The following DRAXIN variants were observed in gnomAD, a reference collection of about 807,000 sequenced individuals.
DRAXIN encodes the protein dorsal repulsive axon guidance protein.
In DRAXIN, 27 loss-of-function variants were observed where a neutral mutation model predicts 33.9. The ratio of observed to expected loss-of-function variants is 0.80; its 90% CI spans 0.59 to 1.10. The LOEUF is 1.10. Among genes scored for constraint, DRAXIN ranks in the 50% least tolerant of loss-of-function variants. The pLI, the probability that DRAXIN is intolerant of heterozygous loss-of-function variation, is 0.00. For synonymous variants in DRAXIN, 178 were observed against 194.0 expected (o/e 0.92, Z 0.69); for missense variants, 371 against 460.8 (o/e 0.81, Z 1.78).
In DRAXIN at chr1:11,719,803, CAG is replaced by C; in HGVS notation, c.*109_*110del. The C allele has an allele frequency of 9.7e-7, 1 of 1,032,502 alleles. No individual in the cohort carries two copies. Among genetic ancestry groups the C allele is most frequent in the Middle Eastern group, 2.2e-4 (1 of 4,558 alleles). 64.0% of individuals were successfully genotyped at this position (1,032,502 alleles called of 1,614,324 possible). The stretch of plus-strand genomic sequence containing the variant: ...GTTGGGGAACAGATGGCTGAGGCTG[CAG>C]ACTCAGGCCCAGGACACTCAACCCC... On this transcript the variant is annotated 3_prime_UTR_variant, in exon 7 of 7. Transcript: ENST00000294485.
At position 11,694,917 on chromosome 1, in the gene DRAXIN, G is replaced by C. The variant is rs147481439; in HGVS notation, c.-11+3064G>C. ...ATGCCCCAACACCAAGACTTCTCTT[G>C]ATGGGATGGGGTTGAAGGGGTGGTT... On this transcript the variant is annotated intron_variant, in intron 1 of 6. Coordinates refer to ENST00000294485, the MANE Select transcript of DRAXIN (RefSeq NM_198545.4). This position sits in a 1 kb window ranked among gnomAD's most constrained non-coding sequence, Gnocchi z 4.9. Among the ~76,000 whole-genome samples, 2 of 152,330 alleles carry C rather than the reference G, an allele frequency of 1.3e-5. No individual in the cohort carries two copies. Among genetic ancestry groups the C allele is most frequent in the East Asian group, 3.9e-4 (2 of 5,188 alleles).
At chr1:11,690,708 T>TTG (rs1641046181), upstream of DRAXIN, among the ~76,000 whole-genome samples, 1 of 152,086 alleles carries the variant, frequency 6.6e-6, no homozygotes, top group Non-Finnish European at 1.5e-5. This position sits in a 1 kb window ranked among gnomAD's most constrained non-coding sequence, Gnocchi z 4.2. Context: ...CCATCGCTCT[T>TTG]TGATCTTTGC....
At chr1:11,700,767 T>G (rs1641260767) in intron 1 of DRAXIN, among the ~76,000 whole-genome samples, 1 of 152,166 alleles carries the variant, frequency 6.6e-6, no homozygotes, top group Non-Finnish European at 1.5e-5. Context: ...TGAGCAGCAC[T>G]GATATCCCTG....
intron 6 of DRAXIN, among the ~76,000 whole-genome samples, chr1:11,717,926 G>A (rs1442146560): frequency 2.7e-5 from 4 of 145,526 alleles, no homozygotes; most frequent in South Asian, 4.4e-4. Context: ...AGCCCAGGAG[G>A]CAGAGATTGC....
Position 11,704,928 on chromosome 1 carries a change from T to G in DRAXIN, c.-10-1321T>G, listed in dbSNP as rs1160034516. Among the ~76,000 whole-genome samples the G allele has an allele frequency of 6.6e-6, 1 of 152,062 alleles. No individual in the cohort carries two copies. Among genetic ancestry groups the G allele is most frequent in the Non-Finnish European group, 1.5e-5 (1 of 67,990 alleles). On this transcript the variant is annotated intron_variant, in intron 1 of 6. Transcript: ENST00000294485. The surrounding 1 kb of genome is among the most constrained non-coding windows in gnomAD (Gnocchi z 4.6). ...AGACCCTGCGAGGCTGGAGAAGGTG[T>G]TTCCCCCCTCCCCTCCACGAGTGCG...
intron 3 of DRAXIN, among the ~76,000 whole-genome samples, chr1:11,710,484 G>C (rs1641467971): frequency 6.6e-6 from 1 of 151,826 alleles, no homozygotes; most frequent in Non-Finnish European, 1.5e-5. Flanking sequence ...GACAGAGTGA[G>C]ACCCTGTCTC....
rs1359635309 is a variant in DRAXIN, at chr1:11,709,342, G to A, written c.519G>A (p.Leu173=). Residue 173 remains leucine (L), a synonymous_variant, in exon 3 of 7, where the codon CTG becomes CTA. Transcript: ENST00000294485. The stretch of plus-strand genomic sequence containing the variant: ...CAGAGCTCTCCGAAGCCCAGGTGCT[G>A]GATGCAGCCATGGAGGAATCCTCCA... The part of the protein sequence containing the change: ...KKAELSEAQV[L]DAAMEESSTS... 1.1e-5 allele frequency: 18 copies of A among 1,613,904 alleles called. No homozygotes were observed. Among genetic ancestry groups the A allele is most frequent in the Non-Finnish European group, 1.5e-5 (18 of 1,179,972 alleles).
chr1:11,690,472 T>C (rs114220573), upstream of DRAXIN, among the ~76,000 whole-genome samples: 454 of 152,256 alleles, frequency 3.0e-3, 1 homozygote, highest in Non-Finnish European at 4.9e-3. The surrounding 1 kb of genome is among the most constrained non-coding windows in gnomAD (Gnocchi z 4.2). Context: ...AACACTGAAA[T>C]TTAGGTATAA....
In DRAXIN at chr1:11,694,352, T is replaced by C. The variant is rs1324398396; in HGVS notation, c.-11+2499T>C. Among the ~76,000 whole-genome samples, 1 of 152,068 alleles carries C rather than the reference T, an allele frequency of 6.6e-6. No homozygotes were observed. Among genetic ancestry groups the C allele is most frequent in the Non-Finnish European group, 1.5e-5 (1 of 68,002 alleles). On this transcript the variant is annotated intron_variant, in intron 1 of 6. Transcript: ENST00000294485. This position sits in a 1 kb window ranked among gnomAD's most constrained non-coding sequence, Gnocchi z 4.9. ...GGTGGGGCCAGGGCGGAGCTGGCCCTCTGGCTGGGGAGGTTGGAGGGGGAG... is the reference window on the plus strand; with the variant it reads ...GGTGGGGCCAGGGCGGAGCTGGCCCCCTGGCTGGGGAGGTTGGAGGGGGAG...
chr1:11,697,588 T>C (rs1336755112), intron 1 of DRAXIN, among the ~76,000 whole-genome samples: 3 of 152,172 alleles, frequency 2.0e-5, no homozygotes, highest in African/African-American at 4.8e-5. Flanking sequence ...GCCAGGACTA[T>C]GTGTCCGCCC....
upstream of DRAXIN, among the ~76,000 whole-genome samples, chr1:11,688,584 CA>C (rs1641004603): frequency 6.6e-6 from 1 of 151,784 alleles, no homozygotes; most frequent in South Asian, 2.1e-4. This position sits in a 1 kb window ranked among gnomAD's most constrained non-coding sequence, Gnocchi z 4.6. Context: ...AAAAAGCAAT[CA>C]GCAAACCTGC....
intron 5 of DRAXIN, among the ~76,000 whole-genome samples, chr1:11,714,634 T>C (rs1382479269): frequency 6.6e-6 from 1 of 152,250 alleles, no homozygotes; most frequent in Admixed American, 6.5e-5. Context: ...GCTGCTTCAT[T>C]CCCAAACCAT....
At chr1:11,709,044 C>T (rs1310791764) in intron 2 of DRAXIN, among the ~76,000 whole-genome samples, 1 of 152,210 alleles carries the variant, frequency 6.6e-6, no homozygotes, top group Non-Finnish European at 1.5e-5. Context: ...CAGGGAGAAT[C>T]CTTGGACTGT....
chr1:11,711,330 G>A (rs1029756865), intron 3 of DRAXIN, among the ~76,000 whole-genome samples: 9 of 152,218 alleles, frequency 5.9e-5, no homozygotes, highest in Admixed American at 1.3e-4. Context: ...GCACATGCCC[G>A]TGTGTAGATC....
At chr1:11,712,121 C>T (rs1224118957) in intron 4 of DRAXIN, among the ~76,000 whole-genome samples, 156 bp downstream of exon 4, 1 of 152,122 alleles carries the variant, frequency 6.6e-6, no homozygotes, top group Non-Finnish European at 1.5e-5. Context: ...CTGGAAACAC[C>T]ACTTGGAACG....
At position 11,719,630 on chromosome 1, in the gene DRAXIN, G is replaced by A; in HGVS notation, c.984G>A (p.Arg328=). The change falls in exon 7 of 7, where the codon CGG becomes CGA. Residue 328 remains arginine, a synonymous_variant. Coordinates refer to ENST00000294485, the MANE Select transcript of DRAXIN (RefSeq NM_198545.4). Reference sequence around the variant, plus strand: ...TCCACCGGAACCGCAGGGTTACACGGAGGAAAGGGCGCTGTGTGGAGCCCG... The same window carrying A: ...TCCACCGGAACCGCAGGGTTACACGAAGGAAAGGGCGCTGTGTGGAGCCCG... ...AKFHRNRRVT[R]RKGRCVEPET... 2 of 1,614,076 alleles carry A rather than the reference G, an allele frequency of 1.2e-6. No individual in the cohort carries two copies. The highest frequency in any genetic ancestry group is 1.7e-6 in the Non-Finnish European group (2 of 1,180,000).
At chr1:11,719,460 A>C in intron 6 of DRAXIN, 124 bp from the exon 7 acceptor site, 1 of 780,080 alleles carries the variant, frequency 1.3e-6, no homozygotes. Flanking sequence ...GCCGTGAGGA[A>C]GCTGGGTTGT....
chr1:11,712,470 C>A, intron 5 of DRAXIN, 41 bp downstream of exon 5: 1 of 1,610,276 alleles, frequency 6.2e-7, no homozygotes. Context: ...AGGCTGGGTA[C>A]TGGGAGGGAA....
chr1:11,695,811 G>T (rs1183321874), intron 1 of DRAXIN, among the ~76,000 whole-genome samples: 1 of 151,950 alleles, frequency 6.6e-6, no homozygotes, highest in Non-Finnish European at 1.5e-5. Context: ...GGAGGAAGAG[G>T]GGCCACAAGT....
Sources: gnomAD v4.1 joint callset for allele counts (sites outside exome capture counted in the v4.1 genomes callset) on GRCh38, gnomAD v4.1.1 for gene constraint, Gnocchi (gnomAD v3.1) non-coding constraint, MANE v1.5 for transcripts, NCBI Gene and HGNC (gene_info 2026-07-23, HGNC 2026-07-21) for gene names.